The following TDRD10 variants were observed in gnomAD, a reference collection of about 807,000 sequenced individuals.
TDRD10 encodes the protein tudor domain containing 10.
In TDRD10, 40 loss-of-function variants were observed where a neutral mutation model predicts 48.0. The ratio of observed to expected loss-of-function variants is 0.83; its 90% CI spans 0.65 to 1.09. TDRD10 has a LOEUF of 1.09. TDRD10 is among the 50% of genes least tolerant of loss of function. The probability of loss-of-function intolerance (pLI) is 0.00; values close to 1 mark genes in which losing one functional copy is unlikely to be tolerated. For missense variants in TDRD10, 378 were observed against 434.7 expected, an observed-to-expected ratio of 0.87 and a Z score of 1.16; for synonymous variants, 162 against 170.4, an observed-to-expected ratio of 0.95 and a Z score of 0.38.
chr1:154,544,332 C>G, intron 9 of TDRD10, 40 bp from the exon 10 acceptor site: 1 of 1,556,588 alleles, frequency 6.4e-7, no homozygotes. Flanking sequence ...ATTTGTAATG[C>G]AGTGCAGGCA....
chr1:154,545,094 A>T (rs1359797290), intron 11 of TDRD10, 145 bp downstream of exon 11: 2 of 1,100,948 alleles, frequency 1.8e-6, no homozygotes, highest in Non-Finnish European at 1.3e-6. Flanking sequence ...TCAGCATATG[A>T]CCCCTGCAAA....
chr1:154,539,906 C>T (rs1035009553), intron 6 of TDRD10, among the ~76,000 whole-genome samples: 3 of 152,134 alleles, frequency 2.0e-5, no homozygotes, highest in Non-Finnish European at 4.4e-5. Flanking sequence ...TCAGAGCCAG[C>T]CACTTGGAAG....
intron 6 of TDRD10, among the ~76,000 whole-genome samples, chr1:154,534,112 T>C (rs1198814358): frequency 1.3e-5 from 2 of 152,060 alleles, no homozygotes; most frequent in Non-Finnish European, 2.9e-5. Context: ...CCATGAAACA[T>C]TCCTGGCATG....
intron 6 of TDRD10, among the ~76,000 whole-genome samples, chr1:154,541,420 C>A (rs1695226451): frequency 6.6e-6 from 1 of 152,016 alleles, no homozygotes; most frequent in Admixed American, 6.6e-5. Flanking sequence ...ACGTGAGGTC[C>A]TTTGGAGAGA....
chr1:154,515,818 G>A (rs1015659950), intron 4 of TDRD10, among the ~76,000 whole-genome samples: 32 of 152,132 alleles, frequency 2.1e-4, no homozygotes, highest in Admixed American at 1.6e-3. Context: ...GGGTTCAAGC[G>A]ATTCTCCTGC....
intron 2 of TDRD10, 48 bp from the exon 3 acceptor site, chr1:154,507,193 T>C: frequency 6.2e-7 from 1 of 1,612,492 alleles, no homozygotes; most frequent in Non-Finnish European, 8.5e-7. Flanking sequence ...TTTCCTTTTG[T>C]CGGAGTCTGA....
intron 4 of TDRD10, 28 bp from the exon 5 acceptor site, chr1:154,520,276 C>G (rs760566210): frequency 3.9e-6 from 6 of 1,552,018 alleles, no homozygotes; most frequent in Non-Finnish European, 5.3e-6. Flanking sequence ...GTCTCTGGGT[C>G]TCTCTCTTTT....
intron 6 of TDRD10, among the ~76,000 whole-genome samples, chr1:154,526,135 G>A (rs569696825): frequency 2.6e-5 from 4 of 151,452 alleles, no homozygotes; most frequent in African/African-American, 9.7e-5. Context: ...AACCTGGGAG[G>A]TGGAGGTTGC....
chr1:154,535,829 C>G (rs529476011), intron 6 of TDRD10, among the ~76,000 whole-genome samples: 1 of 152,232 alleles, frequency 6.6e-6, no homozygotes, highest in African/African-American at 2.4e-5. Flanking sequence ...GGTATCCAAC[C>G]CAGATCCAAG....
chr1:154,547,619 T>C (rs1695679983), intron 12 of TDRD10, 59 bp from the exon 13 acceptor site: 1 of 1,614,234 alleles, frequency 6.2e-7, no homozygotes, highest in Admixed American at 1.7e-5. Context: ...TCTGAGGGGT[T>C]GGGTGAACTG....
intron 6 of TDRD10, among the ~76,000 whole-genome samples, chr1:154,533,878 T>C (rs1312654123): frequency 3.9e-5 from 3 of 75,984 alleles, no homozygotes; most frequent in Non-Finnish European, 8.5e-5. Flanking sequence ...CCCAGCCATA[T>C]ATATATATAT....
At chr1:154,519,549 G>A (rs1295995241) in intron 4 of TDRD10, among the ~76,000 whole-genome samples, 3 of 152,158 alleles carry the variant, frequency 2.0e-5, no homozygotes, top group African/African-American at 4.8e-5. Context: ...AGTGGGCAGC[G>A]AGTGCATGTC....
At position 154,528,502 on chromosome 1, in the gene TDRD10, G is replaced by T. The variant is rs1694431719; in HGVS notation, c.369+7023G>T. On this transcript the variant is annotated intron_variant, in intron 6 of 12. Transcript: ENST00000368482. ...CAGCCTCCCAAAGTGCAGGATTACA[G>T]GTGTGAGATGCTGCACCCTGCCAAA... Among the ~76,000 whole-genome samples the T allele has an allele frequency of 2.6e-5, 4 of 151,918 alleles. No individual in the cohort carries two copies. The South Asian group carries it at 8.3e-4, about 32-fold the overall frequency.
chr1:154,520,270 C>T (rs1440156315), intron 4 of TDRD10, 34 bp from the exon 5 acceptor site: 15 of 1,512,092 alleles, frequency 9.9e-6, no homozygotes, highest in Non-Finnish European at 1.4e-5. Context: ...AGTTATGTCT[C>T]TGGGTCTCTC....
intron 6 of TDRD10, among the ~76,000 whole-genome samples, chr1:154,525,793 G>T (rs1396793783): frequency 5.3e-5 from 8 of 151,484 alleles, no homozygotes; most frequent in Non-Finnish European, 8.8e-5. Flanking sequence ...TACTTGGGAG[G>T]CTGAGGCAGG....
At chr1:154,545,835 A>G (rs929604595) in intron 11 of TDRD10, among the ~76,000 whole-genome samples, 1 of 149,234 alleles carries the variant, frequency 6.7e-6, no homozygotes, top group African/African-American at 2.5e-5. Context: ...CAGAGGCGCA[A>G]TCTCGGCTCA....
chr1:154,512,807 C>G (rs1693554669), intron 4 of TDRD10, among the ~76,000 whole-genome samples: 1 of 152,140 alleles, frequency 6.6e-6, no homozygotes, highest in South Asian at 2.1e-4. Flanking sequence ...AGATCTGGAG[C>G]TGTTATACCA....
intron 6 of TDRD10, among the ~76,000 whole-genome samples, chr1:154,539,390 C>T (rs532499635): frequency 6.6e-6 from 1 of 152,298 alleles, no homozygotes; most frequent in South Asian, 2.1e-4. Flanking sequence ...CAACCTCCGC[C>T]TCCCCGGGTT....
chr1:154,545,150 A>G (rs1015511903), intron 11 of TDRD10, among the ~76,000 whole-genome samples: 1 of 152,184 alleles, frequency 6.6e-6, no homozygotes, highest in African/African-American at 2.4e-5. Flanking sequence ...CTGGAGCCCA[A>G]GATCCCAACA....
Sources: allele counts gnomAD v4.1 joint callset (sites outside exome capture counted in the v4.1 genomes callset), GRCh38; gene constraint gnomAD v4.1.1; transcripts MANE v1.5; gene names NCBI Gene and HGNC (gene_info 2026-07-23, HGNC 2026-07-21).